Variants in ASTN2 observed in about 807,000 individuals in gnomAD.
ASTN2 encodes astrotactin 2, also known as astrotactin-2.
ASTN2 carries 54 observed loss-of-function variants against 139.8 expected under a neutral mutation model. The observed-to-expected ratio is 0.39, with a 90% CI of 0.31 to 0.48. The LOEUF (loss-of-function observed/expected upper bound fraction) is 0.48. Ranked by LOEUF, ASTN2 falls within the 20% of genes least tolerant of loss-of-function variation. ASTN2 has a pLI of 0.95. For missense variants in ASTN2, 1,565 were observed against 1,725.1 expected (o/e 0.91, Z 1.64); for synonymous variants, 756 against 719.5 (o/e 1.05, Z -0.81).
At chr9:116,440,863 A>C (rs1242012169) in intron 21 of ASTN2, 71 bp from the exon 22 acceptor site, 3 of 1,469,412 alleles carry the variant, frequency 2.0e-6, no homozygotes, top group Admixed American at 3.7e-5. Flanking sequence ...CATGGGCTTC[A>C]ATAAGAAAGG....
chr9:116,480,624 G>A (rs1197062668), intron 20 of ASTN2, among the ~76,000 whole-genome samples: 2 of 152,180 alleles, frequency 1.3e-5, no homozygotes, highest in South Asian at 2.1e-4. Context: ...TTGTGTGTCT[G>A]TGTGCATGAC....
chr9:116,960,175 C>A (rs924810966), intron 10 of ASTN2, among the ~76,000 whole-genome samples: 2 of 152,130 alleles, frequency 1.3e-5, no homozygotes, highest in African/African-American at 4.8e-5. Context: ...CTCCTCCGAG[C>A]CCTGCAGCTG....
intron 19 of ASTN2, chr9:116,568,943 T>G (rs961797657): frequency 3.9e-5 from 6 of 152,136 alleles, no homozygotes; most frequent in Non-Finnish European, 8.8e-5. Flanking sequence ...GGCCTTTTTT[T>G]ACTCTGACAC....
chr9:116,674,842 C>T (rs1371075350), intron 16 of ASTN2, among the ~76,000 whole-genome samples: 1 of 152,196 alleles, frequency 6.6e-6, no homozygotes, highest in African/African-American at 2.4e-5. Context: ...TCCTGGCTCA[C>T]TGGCTTCCCC....
At chr9:116,467,545 G>A (rs1297905107) in intron 20 of ASTN2, among the ~76,000 whole-genome samples, 2 of 152,192 alleles carry the variant, frequency 1.3e-5, no homozygotes, top group Non-Finnish European at 1.5e-5. Flanking sequence ...GATTACAGGC[G>A]TAAGCCACTG....
intron 11 of ASTN2, among the ~76,000 whole-genome samples, chr9:116,858,343 T>A (rs1471279083): frequency 2.0e-5 from 3 of 152,110 alleles, no homozygotes; most frequent in Admixed American, 6.5e-5. Flanking sequence ...GGAGGACGCA[T>A]TGTGTTTACC....
chr9:116,576,674 G>C (rs1051672697), intron 19 of ASTN2, among the ~76,000 whole-genome samples: 7 of 152,166 alleles, frequency 4.6e-5, no homozygotes, highest in Middle Eastern at 3.2e-3. Context: ...GCCTGTGCCT[G>C]TGCCTGCCCC....
At chr9:117,285,824 C>T (rs1834436107) in intron 2 of ASTN2, among the ~76,000 whole-genome samples, 3 of 152,176 alleles carry the variant, frequency 2.0e-5, no homozygotes. Flanking sequence ...CATTGGAGGC[C>T]AGCAATACAA....
intron 1 of ASTN2, among the ~76,000 whole-genome samples, chr9:117,324,248 T>G (rs562200123): frequency 6.6e-6 from 1 of 152,284 alleles, no homozygotes; most frequent in Admixed American, 6.5e-5. Flanking sequence ...TGAACAGATA[T>G]GTGAACATAA....
At position 116,425,778 on chromosome 9, in the gene ASTN2, C is replaced by T. The variant is rs1847287237; in HGVS notation, c.*73G>A. 1 of 1,607,328 alleles carries T rather than the reference C, an allele frequency of 6.2e-7. No individual in the cohort carries two copies. Among genetic ancestry groups the T allele is most frequent in the African/African-American group, 1.3e-5 (1 of 74,800 alleles). Reference sequence around the variant, plus strand: ...TCAGCTGTCCCCCAGCCCACCCAGGCCCCAGGATCCAGGAGAATACTGCTC... The same window carrying T: ...TCAGCTGTCCCCCAGCCCACCCAGGTCCCAGGATCCAGGAGAATACTGCTC... On this transcript the variant is annotated 3_prime_UTR_variant, in exon 23 of 23. Coordinates refer to ENST00000313400, the MANE Select transcript of ASTN2 (RefSeq NM_001365068.1).
At chr9:117,001,291 T>C (rs12350186) in intron 7 of ASTN2, among the ~76,000 whole-genome samples, 20,437 of 152,172 alleles carry the variant, frequency 0.13, 1,604 homozygotes, top group African/African-American at 0.21. Context: ...AAGCCACTTT[T>C]GACATATCAA....
At chr9:117,190,595 G>C (rs986663621) in intron 3 of ASTN2, among the ~76,000 whole-genome samples, 1 of 151,890 alleles carries the variant, frequency 6.6e-6, no homozygotes, top group East Asian at 1.9e-4. Context: ...TTATTCTAGT[G>C]CTCTCTCTCT....
intron 20 of ASTN2, among the ~76,000 whole-genome samples, chr9:116,456,740 T>C (rs1478001740): frequency 1.3e-5 from 2 of 152,190 alleles, no homozygotes; most frequent in African/African-American, 4.8e-5. Flanking sequence ...TCCCCCATGA[T>C]TCAATTATCT....
At chr9:116,728,671 C>G (rs111388385) in intron 15 of ASTN2, among the ~76,000 whole-genome samples, 1 of 152,042 alleles carries the variant, frequency 6.6e-6, no homozygotes, top group African/African-American at 2.4e-5. Flanking sequence ...ATAAATATGA[C>G]TTAGATACTG....
At chr9:116,745,475 G>A (rs756507348) in intron 13 of ASTN2, among the ~76,000 whole-genome samples, 2 of 152,192 alleles carry the variant, frequency 1.3e-5, no homozygotes, top group Non-Finnish European at 2.9e-5. Context: ...ATATCCTTCT[G>A]TTTCCACAGC....
intron 16 of ASTN2, among the ~76,000 whole-genome samples, chr9:116,677,744 C>T (rs925979310): frequency 6.6e-6 from 1 of 152,156 alleles, no homozygotes; most frequent in African/African-American, 2.4e-5. Flanking sequence ...TTTGGGGACC[C>T]AGGATCCAGT....
intron 1 of ASTN2, among the ~76,000 whole-genome samples, chr9:117,392,867 A>G (rs1830578313): frequency 6.6e-6 from 1 of 152,208 alleles, no homozygotes; most frequent in Non-Finnish European, 1.5e-5. Context: ...ACAGAAAAAG[A>G]GCTTTGCAAA....
At chr9:117,325,477 A>T (rs1175766651) in intron 1 of ASTN2, among the ~76,000 whole-genome samples, 1 of 152,016 alleles carries the variant, frequency 6.6e-6, no homozygotes, top group Non-Finnish European at 1.5e-5. Flanking sequence ...ATAACAAAGG[A>T]GCTGGACACC....
chr9:116,803,505 T>C (rs1588306072), intron 13 of ASTN2, among the ~76,000 whole-genome samples: 1 of 7,060 alleles, frequency 1.4e-4, no homozygotes, highest in Non-Finnish European at 2.4e-4. Context: ...TATATATATA[T>C]ATATATATAT....
Sources: allele counts gnomAD v4.1 joint callset (sites outside exome capture counted in the v4.1 genomes callset), GRCh38; gene constraint gnomAD v4.1.1; transcripts MANE v1.5; gene names NCBI Gene and HGNC (gene_info 2026-07-23, HGNC 2026-07-21).